EPB41L3: variants seen among roughly 807,000 people sequenced by gnomAD.
EPB41L3 encodes the protein band 4.1-like protein 3.
EPB41L3 carries 57 observed loss-of-function variants against 127.1 expected under a neutral mutation model. The ratio of observed to expected loss-of-function variants is 0.45; its 90% CI spans 0.36 to 0.56. EPB41L3 has a LOEUF of 0.56. Among genes scored for constraint, EPB41L3 ranks in the 20% least tolerant of loss-of-function variants. The pLI, the probability that EPB41L3 is intolerant of heterozygous loss-of-function variation, is 0.00. For synonymous variants in EPB41L3, 572 were observed against 549.5 expected, an observed-to-expected ratio of 1.04 and a Z score of -0.57; for missense variants, 1,273 against 1,372.2, an observed-to-expected ratio of 0.93 and a Z score of 1.14.
intron 1 of EPB41L3, among the ~76,000 whole-genome samples, chr18:5,536,262 C>T (rs1477707868): frequency 1.3e-5 from 2 of 150,996 alleles, no homozygotes; most frequent in Admixed American, 1.3e-4. Context: ...TTTAAATATC[C>T]TGTTTTACCA....
intron 1 of EPB41L3, among the ~76,000 whole-genome samples, chr18:5,538,323 T>TG (rs1202442457): frequency 6.6e-6 from 1 of 152,224 alleles, no homozygotes; most frequent in Admixed American, 6.5e-5. Flanking sequence ...TCCATTACTG[T>TG]CTCCAGGATT....
At chr18:5,443,973 G>A in intron 4 of EPB41L3, 93 bp from the exon 5 acceptor site, 1 of 1,070,858 alleles carries the variant, frequency 9.3e-7, no homozygotes, top group Non-Finnish European at 1.4e-6. Flanking sequence ...ATGCAGTGCG[G>A]AGTTAGTGGT....
Position 5,395,621 on chromosome 18 carries a change from C to G in EPB41L3, c.3060G>C (p.Thr1020=), listed in dbSNP as rs375353039. The part of the protein sequence containing the change: ...TSETTSTTTT[T]HITKTVKGGI... Reference sequence around the variant, plus strand: ...TCACTCCACTTACTTTGGTGATGTGCGTAGTGGTGGTGGTACTGGTGGTTT... The same window carrying G: ...TCACTCCACTTACTTTGGTGATGTGGGTAGTGGTGGTGGTACTGGTGGTTT... The change falls in exon 20 of 23, where the codon ACG becomes ACC. Residue 1020 remains threonine (T), a synonymous_variant. Transcript: ENST00000341928. 5.0e-6 allele frequency: 8 copies of G among 1,613,720 alleles called. No individual in the cohort carries two copies. The highest frequency in any genetic ancestry group is 1.3e-5 in the African/African-American group (1 of 74,900).
upstream of EPB41L3, among the ~76,000 whole-genome samples, chr18:5,546,242 A>G (rs1228339144): frequency 6.6e-6 from 1 of 152,184 alleles, no homozygotes; most frequent in Non-Finnish European, 1.5e-5. Context: ...AATTAGAAAT[A>G]CCTATCTAAG....
intron 1 of EPB41L3, chr18:5,508,196 C>CT (rs1277813783): frequency 6.6e-6 from 1 of 152,152 alleles, no homozygotes; most frequent in East Asian, 1.9e-4. Context: ...ACTATAAATA[C>CT]TTTGTCTTCT....
chr18:5,479,424 G>T (rs890638584), intron 2 of EPB41L3, among the ~76,000 whole-genome samples: 2 of 152,144 alleles, frequency 1.3e-5, no homozygotes, highest in African/African-American at 4.8e-5. Flanking sequence ...GGCTCGAAAA[G>T]TAAAAACAAT....
intron 1 of EPB41L3, among the ~76,000 whole-genome samples, chr18:5,495,096 T>C (rs1443551207): frequency 6.6e-6 from 1 of 152,200 alleles, no homozygotes; most frequent in Admixed American, 6.5e-5. Context: ...TTATTAAATA[T>C]CTTCAAAAAG....
intron 1 of EPB41L3, among the ~76,000 whole-genome samples, chr18:5,628,366 C>G (rs1207084468): frequency 6.6e-6 from 1 of 152,232 alleles, no homozygotes; most frequent in Non-Finnish European, 1.5e-5. Flanking sequence ...GAGGGAATTA[C>G]GAGGGAGTTG....
At chr18:5,469,797 G>A (rs1410079181) in intron 3 of EPB41L3, among the ~76,000 whole-genome samples, 2 of 144,264 alleles carry the variant, frequency 1.4e-5, no homozygotes, top group African/African-American at 2.6e-5. Context: ...TTTTTGAGAT[G>A]GAGTCTTGCT....
chr18:5,397,447 G>T lies in EPB41L3; in HGVS notation c.2473-21C>A. ...ATTTTCTGCATGGGAAGAGATTGTG[G>T]CATCAGTGTGACCATCCATAAACCA... On this transcript the variant is annotated intron_variant, in intron 17 of 22. Transcript: ENST00000341928. This position sits in a 1 kb window ranked among gnomAD's most constrained non-coding sequence, Gnocchi z 4.1. The T allele has an allele frequency of 6.3e-7, 1 of 1,588,642 alleles. No homozygotes were observed.
Position 5,397,114 on chromosome 18 carries a change from C to T in EPB41L3, c.2785G>A (p.Glu929Lys). The T allele has an allele frequency of 6.2e-7, 1 of 1,614,058 alleles. No individual in the cohort carries two copies. The highest frequency in any genetic ancestry group is 8.5e-7 in the Non-Finnish European group (1 of 1,179,992). The change falls in exon 18 of 23, where the codon GAG becomes AAG. Residue 929 changes from glutamate to lysine, a missense_variant. By Grantham distance (56) the Glu-to-Lys change is moderately conservative (BLOSUM62 1). Coordinates refer to ENST00000341928, the MANE Select transcript of EPB41L3 (RefSeq NM_012307.5). The surrounding 1 kb of genome is among the most constrained non-coding windows in gnomAD (Gnocchi z 4.1). ...GAAATGTGGATGGCTGCACTCTGCT[C>T]CTCTTGTCGCTCACGGGAAGCAGCG... ...TAAASRERQE[E>K]QSAAIHISET...
intron 1 of EPB41L3, among the ~76,000 whole-genome samples, chr18:5,510,570 A>G (rs1340284253): frequency 6.6e-6 from 1 of 152,192 alleles, no homozygotes; most frequent in African/African-American, 2.4e-5. Context: ...TGGGGTATGT[A>G]TGGGAACCAC....
chr18:5,619,973 T>A (rs578159296), intron 1 of EPB41L3, among the ~76,000 whole-genome samples: 2 of 152,262 alleles, frequency 1.3e-5, no homozygotes, highest in South Asian at 4.1e-4. Flanking sequence ...CTATATTACC[T>A]GAGCTAACAA....
intron 1 of EPB41L3, among the ~76,000 whole-genome samples, chr18:5,500,495 GA>G (rs2091644522): frequency 6.6e-6 from 1 of 152,120 alleles, no homozygotes; most frequent in African/African-American, 2.4e-5. Flanking sequence ...TAAAAATAGG[GA>G]AAAGGTTATG....
intron 8 of EPB41L3, among the ~76,000 whole-genome samples, chr18:5,432,541 T>G (rs942120826): frequency 6.2e-4 from 95 of 152,190 alleles, no homozygotes; most frequent in African/African-American, 2.3e-3. Context: ...CTAACACATT[T>G]TACATGTTTT....
intron 16 of EPB41L3, chr18:5,398,628 C>A: frequency 2.5e-6 from 1 of 401,960 alleles, no homozygotes; most frequent in African/African-American, 2.1e-5. Flanking sequence ...CAAACTGTGG[C>A]CCCAATGAGT....
intron 13 of EPB41L3, among the ~76,000 whole-genome samples, chr18:5,414,783 G>C (rs2076594693): frequency 1.3e-5 from 2 of 152,306 alleles, no homozygotes; most frequent in Non-Finnish European, 2.9e-5. Flanking sequence ...AAGAGAAACT[G>C]CTGGGCTGTT....
chr18:5,518,491 T>C (rs1433448944), intron 1 of EPB41L3: 11 of 152,306 alleles, frequency 7.2e-5, no homozygotes, highest in Admixed American at 7.2e-4. Context: ...TCCTCTGTGC[T>C]GTATTCACGT....
At chr18:5,596,976 A>G (rs2094542695) in intron 3 of EPB41L3, among the ~76,000 whole-genome samples, 1 of 152,104 alleles carries the variant, frequency 6.6e-6, no homozygotes, top group African/African-American at 2.4e-5. Context: ...TATCCCAGCT[A>G]CTCAGGAGGC....
Sources: gnomAD v4.1 joint callset for allele counts (sites outside exome capture counted in the v4.1 genomes callset) on GRCh38, gnomAD v4.1.1 for gene constraint, Gnocchi (gnomAD v3.1) non-coding constraint, MANE v1.5 for transcripts, NCBI Gene and HGNC (gene_info 2026-07-23, HGNC 2026-07-21) for gene names.